Variants in TRNAU1AP observed in about 807,000 individuals in gnomAD.
The protein encoded by TRNAU1AP is tRNA selenocysteine 1 associated protein 1.
A neutral mutation model predicts 43.3 loss-of-function variants in TRNAU1AP; 33 were observed. That is an observed-to-expected ratio of 0.76 (90% CI 0.58 to 1.02). The LOEUF is 1.02. Ranked by LOEUF, TRNAU1AP falls within the 50% of genes least tolerant of loss-of-function variation. The probability of loss-of-function intolerance (pLI) is 0.00; values close to 1 mark genes in which losing one functional copy is unlikely to be tolerated. For missense variants in TRNAU1AP, 290 were observed against 362.7 expected, an observed-to-expected ratio of 0.80 and a Z score of 1.63; for synonymous variants, 143 against 129.1, an observed-to-expected ratio of 1.11 and a Z score of -0.73.
chr1:28,556,321 A>G (rs563789088), intron 2 of TRNAU1AP, among the ~76,000 whole-genome samples: 10 of 151,734 alleles, frequency 6.6e-5, no homozygotes, highest in African/African-American at 2.2e-4. Context: ...AAAATTAGCC[A>G]GGTGTGGTGA....
chr1:28,574,919 G>C (rs1303213867), intron 8 of TRNAU1AP, among the ~76,000 whole-genome samples: 1 of 151,950 alleles, frequency 6.6e-6, no homozygotes, highest in Non-Finnish European at 1.5e-5. Context: ...GTGACCTTGT[G>C]GGGTGGGCTG....
chr1:28,566,950 T>C (rs1665555275), intron 5 of TRNAU1AP, among the ~76,000 whole-genome samples: 1 of 152,244 alleles, frequency 6.6e-6, no homozygotes, highest in South Asian at 2.1e-4. Context: ...AGACTGTAAA[T>C]ATTTGCTGAA....
intron 8 of TRNAU1AP, among the ~76,000 whole-genome samples, chr1:28,574,337 C>T (rs1168660863): frequency 3.9e-5 from 6 of 152,116 alleles, no homozygotes; most frequent in Non-Finnish European, 7.4e-5. Context: ...ATCCTCCCGC[C>T]TCAGCCTCCC....
chr1:28,573,393 C>A (rs1665705635), intron 8 of TRNAU1AP, among the ~76,000 whole-genome samples: 1 of 151,458 alleles, frequency 6.6e-6, no homozygotes, highest in African/African-American at 2.4e-5. Context: ...GTAATCCCAG[C>A]CCTTTGGGAG....
intron 4 of TRNAU1AP, 102 bp downstream of exon 4, chr1:28,561,500 C>T: frequency 1.5e-6 from 2 of 1,296,216 alleles, no homozygotes; most frequent in Non-Finnish European, 2.2e-6. Flanking sequence ...TGGTTCCCTC[C>T]TGAAGGACGA....
At position 28,577,836 on chromosome 1, in the gene TRNAU1AP, G is replaced by T; in HGVS notation, c.*200G>T. ...ACCAAGGGAACAACTTTTAAACAAG[G>T]TTCAAATTGGTTTCCTTCACAGGAA... On this transcript the variant is annotated 3_prime_UTR_variant, in exon 9 of 9. Coordinates refer to ENST00000373830, the MANE Select transcript of TRNAU1AP (RefSeq NM_017846.5). The T allele has an allele frequency of 3.5e-6, 2 of 572,862 alleles. No homozygotes were observed. Among genetic ancestry groups the T allele is most frequent in the African/African-American group, 1.9e-5 (1 of 52,688 alleles). The allele number at this position is 572,862 out of a possible 1,614,324, so 35.5% of individuals were successfully genotyped here.
chr1:28,571,038 C>G, intron 6 of TRNAU1AP, 138 bp from the exon 7 acceptor site: 1 of 773,620 alleles, frequency 1.3e-6, no homozygotes, highest in South Asian at 1.8e-5. Flanking sequence ...GTACTCCAGC[C>G]TAGGCAACAG....
intron 2 of TRNAU1AP, among the ~76,000 whole-genome samples, chr1:28,557,024 G>A (rs1176699857): frequency 6.8e-6 from 1 of 147,462 alleles, no homozygotes; most frequent in Non-Finnish European, 1.5e-5. Flanking sequence ...GTGTTGGCCA[G>A]GCTAGCCTCG....
Position 28,553,732 on chromosome 1 carries a change from C to T in TRNAU1AP, c.120C>T (p.Leu40=), listed in dbSNP as rs1665186940. The T allele has an allele frequency of 6.2e-7, 1 of 1,613,970 alleles. No individual in the cohort carries two copies. The highest frequency in any genetic ancestry group is 8.5e-7 in the Non-Finnish European group (1 of 1,179,808). The change falls in exon 2 of 9, where the codon CTC becomes CTT. Residue 40 remains leucine, a synonymous_variant. Coordinates refer to ENST00000373830, the MANE Select transcript of TRNAU1AP (RefSeq NM_017846.5). ...GCGTCAAAATTATCCGAAACCGCCT[C>T]ACTGGGTAAGTCTCATCTCAGGTCT... ...VMSVKIIRNR[L]TGIPAGYCFV... is the part of the protein sequence containing the mutation.
At chr1:28,563,655 G>A (rs1004828746) in intron 4 of TRNAU1AP, among the ~76,000 whole-genome samples, 1 of 151,504 alleles carries the variant, frequency 6.6e-6, no homozygotes, top group African/African-American at 2.4e-5. Context: ...CTTCACTCCA[G>A]CTTAGGGGAC....
At chr1:28,557,699 C>T (rs1022135376) in intron 2 of TRNAU1AP, among the ~76,000 whole-genome samples, 1 of 151,830 alleles carries the variant, frequency 6.6e-6, no homozygotes, top group African/African-American at 2.4e-5. Flanking sequence ...AGCCATTCTC[C>T]TGCCTCAGCC....
At chr1:28,571,102 A>C (rs1263883559) in intron 6 of TRNAU1AP, 74 bp from the exon 7 acceptor site, 1 of 1,457,980 alleles carries the variant, frequency 6.9e-7, no homozygotes, top group Non-Finnish European at 9.5e-7. Flanking sequence ...AGCACTTAAA[A>C]TAGTCTGTGG....
At chr1:28,561,882 C>T (rs553053703) in intron 4 of TRNAU1AP, among the ~76,000 whole-genome samples, 1 of 152,126 alleles carries the variant, frequency 6.6e-6, no homozygotes, top group African/African-American at 2.4e-5. Context: ...ACCATCCTGG[C>T]TAACACGGTG....
At chr1:28,558,062 A>ATTTTTT (rs998976595) in intron 2 of TRNAU1AP, among the ~76,000 whole-genome samples, 195 of 122,048 alleles carry the variant, frequency 1.6e-3, no homozygotes, top group African/African-American at 5.3e-3. Flanking sequence ...TGCCTGGCTA[A>ATTTTTT]TTTTTTTTTT....
At chr1:28,574,653 C>T (rs1204979565) in intron 8 of TRNAU1AP, 1 of 152,128 alleles carries the variant, frequency 6.6e-6, no homozygotes, top group Non-Finnish European at 1.5e-5. Context: ...ATCTGCCCAT[C>T]TCGGCCTTCC....
intron 8 of TRNAU1AP, among the ~76,000 whole-genome samples, chr1:28,575,953 C>T (rs181470561): frequency 3.3e-5 from 5 of 150,992 alleles, no homozygotes; most frequent in East Asian, 1.9e-4. Flanking sequence ...CTCTGCCTCC[C>T]GGGTTCAGGT....
intron 2 of TRNAU1AP, 30 bp from the exon 3 acceptor site, chr1:28,560,603 A>G: frequency 1.3e-6 from 2 of 1,584,010 alleles, no homozygotes; most frequent in East Asian, 2.2e-5. Flanking sequence ...ATCTTTAACC[A>G]TTTTCTTTCT....
At chr1:28,567,206 C>T in intron 5 of TRNAU1AP, 88 bp from the exon 6 acceptor site, 2 of 1,436,272 alleles carry the variant, frequency 1.4e-6, no homozygotes, top group Non-Finnish European at 1.9e-6. Flanking sequence ...CATTCCTGCC[C>T]ACCTTCTTAT....
At chr1:28,573,813 T>C (rs1355164073) in intron 8 of TRNAU1AP, among the ~76,000 whole-genome samples, 1 of 151,572 alleles carries the variant, frequency 6.6e-6, no homozygotes, top group African/African-American at 2.4e-5. Flanking sequence ...GGCCCATGCC[T>C]GTAATTCCAG....
Sources: gnomAD v4.1 joint callset for allele counts (sites outside exome capture counted in the v4.1 genomes callset) on GRCh38, gnomAD v4.1.1 for gene constraint, MANE v1.5 for transcripts, NCBI Gene and HGNC (gene_info 2026-07-23, HGNC 2026-07-21) for gene names.